Variants in FOXK2 observed in about 807,000 individuals in gnomAD.
The protein encoded by FOXK2 is forkhead box protein K2.
FOXK2 carries 24 observed loss-of-function variants against 53.3 expected under a neutral mutation model. The ratio of observed to expected loss-of-function variants is 0.45; its 90% CI spans 0.33 to 0.63. FOXK2 has a LOEUF of 0.63. FOXK2 is among the 30% of genes least tolerant of loss of function. FOXK2 has a pLI of 0.03. For synonymous variants in FOXK2, 505 were observed against 407.1 expected (o/e 1.24, Z -2.89); for missense variants, 952 against 910.5 (o/e 1.05, Z -0.59).
At chr17:82,525,369 G>A (rs753468898) in intron 1 of FOXK2, among the ~76,000 whole-genome samples, 1 of 151,928 alleles carries the variant, frequency 6.6e-6, no homozygotes, top group Non-Finnish European at 1.5e-5. Flanking sequence ...TAGTAGAGAC[G>A]GGGTTTCACC....
intron 1 of FOXK2, among the ~76,000 whole-genome samples, chr17:82,523,036 A>G (rs376099584): frequency 3.3e-5 from 5 of 149,694 alleles, no homozygotes; most frequent in East Asian, 2.0e-4. Context: ...CTCGTGATCC[A>G]CCCGCCTTGG....
At chr17:82,530,693 A>G (rs1332273367) in intron 1 of FOXK2, among the ~76,000 whole-genome samples, 1 of 151,980 alleles carries the variant, frequency 6.6e-6, no homozygotes, top group Non-Finnish European at 1.5e-5. Flanking sequence ...TATTTTTAGT[A>G]GAGACGGGGT....
At chr17:82,573,560 TCTCACACACA>T (rs766497186) in intron 4 of FOXK2, among the ~76,000 whole-genome samples, 21,759 of 100,736 alleles carry the variant, frequency 0.22, 1,697 homozygotes, top group South Asian at 0.3. Context: ...TCTCTCTCTC[TCTCACACACA>T]CACACACACA....
intron 1 of FOXK2, among the ~76,000 whole-genome samples, chr17:82,551,063 A>C (rs769558096): frequency 3.2e-4 from 48 of 151,988 alleles, no homozygotes; most frequent in Non-Finnish European, 6.3e-4. Flanking sequence ...CACGCCTGTC[A>C]TCCCAGCACT....
rs1054610533 is a variant in FOXK2 at position 82,571,225 on chromosome 17, C to G, written c.763-499C>G. On this transcript the variant is annotated intron_variant, in intron 3 of 8. Coordinates refer to ENST00000335255, the MANE Select transcript of FOXK2 (RefSeq NM_004514.4). ...TCATTTTTGACATTTGGATTTTTTCCTTATGTAATTTTTAATATTCTTTAT... is the reference window on the plus strand; with the variant it reads ...TCATTTTTGACATTTGGATTTTTTCGTTATGTAATTTTTAATATTCTTTAT... Among the ~76,000 whole-genome samples, 8 of 152,268 alleles carry G rather than the reference C, an allele frequency of 5.3e-5. 1 individual carries two copies. The highest frequency in any genetic ancestry group is 5.2e-4 in the Admixed American group (8 of 15,296).
chr17:82,534,074 CA>C (rs781376612), intron 1 of FOXK2, among the ~76,000 whole-genome samples: 386 of 127,152 alleles, frequency 3.0e-3, no homozygotes, highest in Non-Finnish European at 3.0e-3. Context: ...GACACTGTCT[CA>C]AAAAAAAAAA....
chr17:82,540,701 A>G (rs776388976), intron 1 of FOXK2, among the ~76,000 whole-genome samples: 6 of 152,158 alleles, frequency 3.9e-5, no homozygotes, highest in Non-Finnish European at 7.4e-5. Context: ...TGCTTTCCCT[A>G]TATCTGTCTC....
At chr17:82,567,115 C>G (rs1006408955) in intron 2 of FOXK2, among the ~76,000 whole-genome samples, 3 of 152,134 alleles carry the variant, frequency 2.0e-5, no homozygotes, top group Admixed American at 6.5e-5. Context: ...TCCTCCCCCC[C>G]ACCTCTCCAT....
At chr17:82,523,823 T>C (rs2144037246) in intron 1 of FOXK2, among the ~76,000 whole-genome samples, 1 of 152,234 alleles carries the variant, frequency 6.6e-6, no homozygotes, top group South Asian at 2.1e-4. Context: ...AGGTTGATGA[T>C]ACAAGTTCTT....
intron 6 of FOXK2, among the ~76,000 whole-genome samples, chr17:82,584,467 A>G (rs1271473473): frequency 8.3e-6 from 1 of 120,954 alleles, no homozygotes; most frequent in African/African-American, 3.1e-5. Flanking sequence ...CAGCCCCCGC[A>G]CCCCCACCCC....
chr17:82,581,682 T>C (rs2045062673), intron 4 of FOXK2, among the ~76,000 whole-genome samples: 1 of 152,016 alleles, frequency 6.6e-6, no homozygotes, highest in Non-Finnish European at 1.5e-5. Flanking sequence ...TCACCGTGTT[T>C]GCCAGGATGG....
At chr17:82,550,339 A>G (rs984588003) in intron 1 of FOXK2, among the ~76,000 whole-genome samples, 1 of 152,210 alleles carries the variant, frequency 6.6e-6, no homozygotes, top group African/African-American at 2.4e-5. Context: ...ACACCCCACC[A>G]GGGACATTGG....
rs1199769611 is a variant in FOXK2 at position 82,602,569 on chromosome 17, G to A, written c.*1070G>A. Reference sequence around the variant, plus strand: ...CTGCTGTCTACTCCCCACCTTCGGTGAGCGGCCGCCATGGTGGAGCAGGGT... The same window carrying A: ...CTGCTGTCTACTCCCCACCTTCGGTAAGCGGCCGCCATGGTGGAGCAGGGT... On this transcript the variant is annotated 3_prime_UTR_variant, in exon 9 of 9. Coordinates refer to ENST00000335255, the MANE Select transcript of FOXK2 (RefSeq NM_004514.4). 6.6e-6 allele frequency: 1 copy of A among 152,326 alleles called. No homozygotes were observed. The highest frequency in any genetic ancestry group is 1.5e-5 in the Non-Finnish European group (1 of 68,098). 9.4% of individuals were successfully genotyped at this position (152,326 alleles called of 1,614,324 possible).
intron 1 of FOXK2, among the ~76,000 whole-genome samples, chr17:82,560,044 C>T (rs1232075150): frequency 1.4e-5 from 2 of 141,960 alleles, no homozygotes; most frequent in African/African-American, 5.3e-5. Flanking sequence ...CTCGCTCTGT[C>T]GCCCTGGCTG....
chr17:82,598,416 C>T (rs1449455208), intron 8 of FOXK2, among the ~76,000 whole-genome samples: 6 of 152,150 alleles, frequency 3.9e-5, no homozygotes, highest in Non-Finnish European at 7.3e-5. Flanking sequence ...CTGGGTCATC[C>T]AGTCAACTTG....
chr17:82,527,623 T>C (rs2044431444), intron 1 of FOXK2, among the ~76,000 whole-genome samples: 2 of 152,144 alleles, frequency 1.3e-5, no homozygotes, highest in African/African-American at 4.8e-5. Context: ...AGCAAGACTT[T>C]GTCTCAAAAC....
chr17:82,545,113 C>G (rs1026731443), intron 1 of FOXK2, among the ~76,000 whole-genome samples: 1 of 152,076 alleles, frequency 6.6e-6, no homozygotes, highest in Non-Finnish European at 1.5e-5. Context: ...TAGTTGGTCT[C>G]CATTCCTCTC....
chr17:82,525,596 C>T (rs1322195307), intron 1 of FOXK2, among the ~76,000 whole-genome samples: 1 of 151,998 alleles, frequency 6.6e-6, no homozygotes, highest in East Asian at 1.9e-4. Context: ...TTTTTGTTGC[C>T]ATGGTAACAA....
At chr17:82,520,953 G>A (rs2044356089) in intron 1 of FOXK2, among the ~76,000 whole-genome samples, 1 of 152,134 alleles carries the variant, frequency 6.6e-6, no homozygotes, top group Non-Finnish European at 1.5e-5. Context: ...AAAGACAGTT[G>A]ATTAGGAATT....
Sources: gnomAD v4.1 joint callset for allele counts (sites outside exome capture counted in the v4.1 genomes callset) on GRCh38, gnomAD v4.1.1 for gene constraint, MANE v1.5 for transcripts, NCBI Gene and HGNC (gene_info 2026-07-23, HGNC 2026-07-21) for gene names.